CD81: variants seen among roughly 807,000 people sequenced by gnomAD.
The protein encoded by CD81 is CD81 antigen.
A neutral mutation model predicts 30.1 loss-of-function variants in CD81; 10 were observed. The ratio of observed to expected loss-of-function variants is 0.33; its 90% CI spans 0.21 to 0.56. The LOEUF is 0.56. Ranked by LOEUF, CD81 falls within the 20% of genes least tolerant of loss-of-function variation. The probability of loss-of-function intolerance (pLI) is 0.89; values close to 1 mark genes in which losing one functional copy is unlikely to be tolerated. For synonymous variants in CD81, 147 were observed against 126.4 expected (o/e 1.16, Z -1.10); for missense variants, 263 against 308.7 (o/e 0.85, Z 1.11).
At chr11:2,379,718 A>C (rs1015480853) in intron 1 of CD81, among the ~76,000 whole-genome samples, 3 of 152,124 alleles carry the variant, frequency 2.0e-5, no homozygotes, top group Admixed American at 6.5e-5. Flanking sequence ...CTTGTTATTA[A>C]GGCTCAAGGA....
intron 1 of CD81, 38 bp from the exon 2 acceptor site, chr11:2,390,374 C>T (rs1388313694): frequency 2.6e-6 from 4 of 1,521,326 alleles, no homozygotes; most frequent in Non-Finnish European, 3.6e-6. Context: ...TGCTGCAGTG[C>T]TCTTCGTACA....
chr11:2,396,357 G>T, intron 6 of CD81: 1 of 589,874 alleles, frequency 1.7e-6, no homozygotes, highest in Non-Finnish European at 3.0e-6. Context: ...TGATGCTTTA[G>T]GGGTCTAGTG....
At chr11:2,383,346 C>T (rs879853434) in intron 1 of CD81, among the ~76,000 whole-genome samples, 2 of 152,116 alleles carry the variant, frequency 1.3e-5, no homozygotes, top group Non-Finnish European at 2.9e-5. Flanking sequence ...CCCCAACCTC[C>T]ACACCCAGGC....
intron 4 of CD81, 121 bp from the exon 5 acceptor site, chr11:2,395,295 T>C: frequency 1.2e-6 from 1 of 839,400 alleles, no homozygotes; most frequent in Non-Finnish European, 2.0e-6. Flanking sequence ...CTCTGGGGTC[T>C]AGCCTCGAAG....
At chr11:2,386,201 C>G (rs946119957) in intron 1 of CD81, 2 of 713,446 alleles carry the variant, frequency 2.8e-6, no homozygotes, top group Non-Finnish European at 5.2e-6. Flanking sequence ...GTGGATCTTG[C>G]GGGGAAGGGT....
At chr11:2,395,379 G>A (rs1354584931) in intron 4 of CD81, 37 bp from the exon 5 acceptor site, 1 of 1,494,842 alleles carries the variant, frequency 6.7e-7, no homozygotes, top group Non-Finnish European at 9.3e-7. Flanking sequence ...AGGAGGGGGA[G>A]GTTCCCCCTG....
chr11:2,383,923 C>G (rs1387790339), intron 1 of CD81, among the ~76,000 whole-genome samples: 2 of 152,100 alleles, frequency 1.3e-5, no homozygotes, highest in African/African-American at 4.8e-5. Context: ...GAGCTCCCAC[C>G]CGAAGTTCTG....
intron 1 of CD81, among the ~76,000 whole-genome samples, chr11:2,382,968 G>T (rs1017305979): frequency 2.6e-5 from 4 of 152,176 alleles, no homozygotes; most frequent in Non-Finnish European, 5.9e-5. Context: ...TCCTGGAAGG[G>T]GCTTGGTCCT....
chr11:2,390,582 G>GCCTCC, intron 2 of CD81, 56 bp downstream of exon 2: 1 of 1,274,134 alleles, frequency 7.8e-7, no homozygotes, highest in Non-Finnish European at 1.1e-6. Context: ...GAGGAGGCAG[G>GCCTCC]TCCTAGCCTT....
In CD81 at chr11:2,397,180, A is replaced by G. The variant is rs1850028788; in HGVS notation, c.*314A>G. 4 of 452,028 alleles carry G rather than the reference A, an allele frequency of 8.8e-6. No individual in the cohort carries two copies. In the East Asian group the frequency reaches 1.3e-4, roughly 15 times the overall value. 28.0% of individuals were successfully genotyped at this position (452,028 alleles called of 1,614,324 possible). On this transcript the variant is annotated 3_prime_UTR_variant, in exon 8 of 8. Transcript: ENST00000263645. ...GGCCTCTCCTGGGAGCCACTCGCCC[A>G]GAGACTCAGCTTGGCCAACTTGGGG...
chr11:2,395,281 T>C, intron 4 of CD81, 135 bp from the exon 5 acceptor site: 1 of 783,584 alleles, frequency 1.3e-6, no homozygotes, highest in East Asian at 2.7e-5. Flanking sequence ...GCAGAGTCCT[T>C]GTCCTCTGGG....
chr11:2,396,610 G>A lies in CD81; in HGVS notation c.562-18G>A. The stretch of plus-strand genomic sequence containing the variant: ...CGAGGCCCGGTCCCTGACCACGCGT[G>A]CCTGGCCACCCCTGCAGGAGGACTG... On this transcript the variant is annotated intron_variant, in intron 6 of 7. Coordinates refer to ENST00000263645, the MANE Select transcript of CD81 (RefSeq NM_004356.4). 6.2e-7 allele frequency: 1 copy of A among 1,606,764 alleles called. No individual in the cohort carries two copies.
intron 3 of CD81, 194 bp from the exon 4 acceptor site, chr11:2,394,778 C>T (rs191578960): frequency 3.8e-5 from 25 of 652,952 alleles, no homozygotes; most frequent in Middle Eastern, 4.0e-4. Flanking sequence ...TGGGCTTTGA[C>T]GGCTCCTCCC....
chr11:2,396,758 TC>T (rs751449398), intron 7 of CD81, 44 bp downstream of exon 7: 2 of 1,611,756 alleles, frequency 1.2e-6, no homozygotes, highest in South Asian at 2.2e-5. Flanking sequence ...GGCTGCCCCT[TC>T]CGCGGGGCCT....
At chr11:2,396,006 G>A (rs374910440) in intron 6 of CD81, 36 bp downstream of exon 6, 73 of 1,405,500 alleles carry the variant, frequency 5.2e-5, no homozygotes, top group East Asian at 9.1e-5. Context: ...CTGACCCCCC[G>A]CATGTCCCGC....
intron 1 of CD81, among the ~76,000 whole-genome samples, chr11:2,387,703 C>T (rs1052764454): frequency 2.0e-5 from 3 of 152,168 alleles, no homozygotes; most frequent in South Asian, 2.1e-4. Flanking sequence ...GAGGGGCACA[C>T]GTGGGGTCCC....
chr11:2,381,865 A>G (rs993486075), intron 1 of CD81, among the ~76,000 whole-genome samples: 2 of 152,224 alleles, frequency 1.3e-5, no homozygotes, highest in Non-Finnish European at 2.9e-5. Context: ...TCCACTTCCA[A>G]GTCGTCCCCA....
chr11:2,390,008 C>T, intron 1 of CD81: 1 of 353,300 alleles, frequency 2.8e-6, no homozygotes, highest in South Asian at 2.2e-5. Context: ...GGTGAAACTA[C>T]AGGGCATCCA....
At chr11:2,382,011 G>T (rs1849712525) in intron 1 of CD81, among the ~76,000 whole-genome samples, 3 of 152,244 alleles carry the variant, frequency 2.0e-5, no homozygotes, top group Admixed American at 6.5e-5. Context: ...AACCTGGGCT[G>T]CAGAGCAAGT....
Sources: gnomAD v4.1 joint callset for allele counts (sites outside exome capture counted in the v4.1 genomes callset) on GRCh38, gnomAD v4.1.1 for gene constraint, MANE v1.5 for transcripts, NCBI Gene and HGNC (gene_info 2026-07-23, HGNC 2026-07-21) for gene names.